Variants in KLF18 observed in about 807,000 individuals in gnomAD.
The protein encoded by KLF18 is KLF transcription factor 18, also known as Kruppel-like factor 18.
At position 44,141,461 on chromosome 1, in the gene KLF18, C is replaced by T. The variant is rs894921661; in HGVS notation, c.171G>A (p.Thr57=). ...TCATTGTGGACCCCAAGGGAGGCAT[C>T]GTCTTGCTCTGGGTTGACTCATGTT... is the stretch of plus-strand genomic sequence containing the variant. The part of the protein sequence containing the change: ...ESQHESTQSK[T]MPPLGSTMMT... Residue 57 remains threonine, a synonymous_variant, in exon 1 of 2, where the codon ACG becomes ACA. Coordinates refer to ENST00000634670, the MANE Select transcript of KLF18 (RefSeq NM_001358438.1). 43 of 398,548 alleles carry T rather than the reference C, an allele frequency of 1.1e-4. No homozygotes were observed. Among genetic ancestry groups the T allele is most frequent in the Non-Finnish European group, 1.5e-4 (34 of 226,162 alleles). 24.7% of individuals were successfully genotyped at this position (398,548 alleles called of 1,614,324 possible). A position where few individuals can be genotyped will look rare whatever the true frequency, so the allele number is the denominator to read the frequency against.
Position 44,139,872 on chromosome 1 carries a change from T to G in KLF18, c.1760A>C (p.Gln587Pro). Reference sequence around the variant, plus strand: ...CTGGTTACTAGTGGAGGTCGTCATCTGCTCTCCACAGAGGGTCTGGTTACT... The same window carrying G: ...CTGGTTACTAGTGGAGGTCGTCATCGGCTCTCCACAGAGGGTCTGGTTACT... ...STSNQTLCGE[Q>P]MTTSTSNQTL... Residue 587 changes from glutamine (Q) to proline (P), a missense_variant, in exon 1 of 2, where the codon CAG becomes CCG. Transcript: ENST00000634670. 2.6e-6 allele frequency: 1 copy of G among 379,502 alleles called. No individual in the cohort carries two copies. 23.5% of individuals were successfully genotyped at this position (379,502 alleles called of 1,614,324 possible). A position where few individuals can be genotyped will look rare whatever the true frequency, so the allele number is the denominator to read the frequency against.
Position 44,139,042 on chromosome 1 carries a change from A to G in KLF18, c.2590T>C (p.Tyr864His). The G allele has an allele frequency of 2.5e-6, 1 of 397,738 alleles. No individual in the cohort carries two copies. Among genetic ancestry groups the G allele is most frequent in the Non-Finnish European group, 4.4e-6 (1 of 225,886 alleles). The allele number at this position is 397,738 out of a possible 1,614,324, so 24.6% of individuals were successfully genotyped here. Residue 864 changes from tyrosine (Y) to histidine (H), a missense_variant, in exon 1 of 2, where the codon TAC (tyrosine) becomes CAC (histidine). By Grantham distance (83) the Tyr-to-His change is moderately conservative. Transcript: ENST00000634670. ...MMTSTGNQNL[Y>H]GGQNMTSTDN... The stretch of plus-strand genomic sequence containing the variant: ...GTGGAGGTCATATTCTGCCCCCCGT[A>G]GAGGTTCTGGTTACCAGTGGAGGTC...
In KLF18 at chr1:44,139,865, C is replaced by T. The variant is rs1413269815; in HGVS notation, c.1767G>A (p.Thr589=). Residue 589 remains threonine (T), a synonymous_variant, in exon 1 of 2, where the codon ACG becomes ACA. Transcript: ENST00000634670. ...AAAGGGTCTGGTTACTAGTGGAGGT[C>T]GTCATCTGCTCTCCACAGAGGGTCT... ...SNQTLCGEQM[T]TSTSNQTLCG... is the part of the protein sequence containing the mutation. 23 of 357,526 alleles carry T rather than the reference C, an allele frequency of 6.4e-5. No individual in the cohort carries two copies. The highest frequency in any genetic ancestry group is 2.7e-4 in the African/African-American group (11 of 40,182). The allele number at this position is 357,526 out of a possible 1,614,324, so 22.1% of individuals were successfully genotyped here.
At chr1:44,138,096 T>G (rs1037345810) in intron 1 of KLF18, 85 bp from the exon 2 acceptor site, 4 of 397,654 alleles carry the variant, frequency 1.0e-5, no homozygotes, top group African/African-American at 8.2e-5. Flanking sequence ...AAAACGTTTT[T>G]GAACAAGTTG....
Position 44,141,112 on chromosome 1 carries a change from T to C in KLF18, c.520A>G (p.Thr174Ala), listed in dbSNP as rs1246219883. The change falls in exon 1 of 2, where the codon ACC becomes GCC. Residue 174 changes from threonine to alanine, a missense_variant. Transcript: ENST00000634670. ...IPALLGDQMK[T>A]LSDNQTLCGD... ...CAGAGAGTCTGGTTATCACTGAGGG[T>C]CTTCATCTGATCTCCAAGCAGGGCT... is the stretch of plus-strand genomic sequence containing the variant. 3 of 398,554 alleles carry C rather than the reference T, an allele frequency of 7.5e-6. No homozygotes were observed. The highest frequency in any genetic ancestry group is 1.3e-5 in the Non-Finnish European group (3 of 226,118). 24.7% of individuals were successfully genotyped at this position (398,554 alleles called of 1,614,324 possible).
rs947700574 is a variant in KLF18, at chr1:44,141,483, T to G, written c.149A>C (p.His50Pro). Residue 50 changes from histidine to proline, a missense_variant, in exon 1 of 2, where the codon CAT becomes CCT. Transcript: ENST00000634670. ...PLTAHAEESQ[H>P]ESTQSKTMPP... is the part of the protein sequence containing the mutation. ...CATCGTCTTGCTCTGGGTTGACTCA[T>G]GTTGGCTCTCCTCAGCATGGGCAGT... 2.5e-6 allele frequency: 1 copy of G among 398,688 alleles called. No individual in the cohort carries two copies. 24.7% of individuals were successfully genotyped at this position (398,688 alleles called of 1,614,324 possible).
In KLF18 at chr1:44,139,033, G is replaced by C. The variant is rs1177314746; in HGVS notation, c.2599C>G (p.Gln867Glu). Reference protein sequence around the residue: ...STGNQNLYGGQNMTSTDNQAL... With the variant: ...STGNQNLYGGENMTSTDNQAL... ...TGGTTATCAGTGGAGGTCATATTCTGCCCCCCGTAGAGGTTCTGGTTACCA... is the reference window on the plus strand; with the variant it reads ...TGGTTATCAGTGGAGGTCATATTCTCCCCCCCGTAGAGGTTCTGGTTACCA... The change falls in exon 1 of 2, where the codon CAG (glutamine) becomes GAG (glutamate). Residue 867 changes from glutamine to glutamate, a missense_variant. Transcript: ENST00000634670. 1.3e-5 allele frequency: 5 copies of C among 398,034 alleles called. No individual in the cohort carries two copies. The highest frequency in any genetic ancestry group is 4.1e-5 in the African/African-American group (2 of 48,472). The allele number at this position is 398,034 out of a possible 1,614,324, so 24.7% of individuals were successfully genotyped here.
In KLF18 at chr1:44,140,762, A is replaced by C. The variant is rs1292505200; in HGVS notation, c.870T>G (p.Cys290Trp). Residue 290 changes from cysteine (C) to tryptophan (W), a missense_variant, in exon 1 of 2, where the codon TGT (cysteine) becomes TGG (tryptophan). Physicochemically the swap from Cys to Trp is radical, Grantham distance 215 (BLOSUM62 -2). Transcript: ENST00000634670. ...MTTSASNQTL[C>W]GEQMTTSTSN... ...TAGTGGAGGTTGTCATCTGCTCTCC[A>C]CAGAGGGTCTGGTTACTAGCGGAGG... 2.5e-6 allele frequency: 1 copy of C among 396,794 alleles called. No homozygotes were observed. Among genetic ancestry groups the C allele is most frequent in the Non-Finnish European group, 4.4e-6 (1 of 225,800 alleles). 24.6% of individuals were successfully genotyped at this position (396,794 alleles called of 1,614,324 possible).
intron 1 of KLF18, among the ~76,000 whole-genome samples, chr1:44,138,457 T>TCTGGTCCAGAGCCTGTCC (rs1553172789): frequency 2.0e-5 from 3 of 152,142 alleles, no homozygotes; most frequent in Non-Finnish European, 4.4e-5. Context: ...CCAGCCTGGC[T>TCTGGTCCAGAGCCTGTCC]CTGGTCCAGG....
chr1:44,139,886 G>T lies in KLF18; in HGVS notation c.1746C>A (p.Thr582=), dbSNP rs1571999966. 5.2e-6 allele frequency: 2 copies of T among 381,712 alleles called. No individual in the cohort carries two copies. Among genetic ancestry groups the T allele is most frequent in the African/African-American group, 4.2e-5 (2 of 47,314 alleles). 23.6% of individuals were successfully genotyped at this position (381,712 alleles called of 1,614,324 possible). Residue 582 remains threonine (T), a synonymous_variant, in exon 1 of 2, where the codon ACC becomes ACA. Coordinates refer to ENST00000634670, the MANE Select transcript of KLF18 (RefSeq NM_001358438.1). ...AGGTCGTCATCTGCTCTCCACAGAG[G>T]GTCTGGTTACTAGTGGAGGTCGTGA... The part of the protein sequence containing the change: ...GQITTSTSNQ[T]LCGEQMTTST...
In KLF18 at chr1:44,141,418, T is replaced by C. The variant is rs978419376; in HGVS notation, c.214A>G (p.Asn72Asp). ...TGGGTGAGAACTGTCCCAGGGATGT[T>C]AGTGCATGCAGAAGTCATCATTGTG... is the stretch of plus-strand genomic sequence containing the variant. ...GSTMMTSACT[N>D]IPGTVLTQDL... The change falls in exon 1 of 2, where the codon AAC (asparagine) becomes GAC (aspartate). Residue 72 changes from asparagine (N) to aspartate (D), a missense_variant. Coordinates refer to ENST00000634670, the MANE Select transcript of KLF18 (RefSeq NM_001358438.1). 5.0e-6 allele frequency: 2 copies of C among 398,422 alleles called. No homozygotes were observed. The highest frequency in any genetic ancestry group is 2.1e-5 in the African/African-American group (1 of 48,572). 24.7% of individuals were successfully genotyped at this position (398,422 alleles called of 1,614,324 possible).
chr1:44,138,694 G>A lies in KLF18; in HGVS notation c.2938C>T (p.His980Tyr), dbSNP rs1281028308. 6 of 398,508 alleles carry A rather than the reference G, an allele frequency of 1.5e-5. No homozygotes were observed. In the East Asian group the frequency reaches 1.8e-4, roughly 12 times the overall value. 24.7% of individuals were successfully genotyped at this position (398,508 alleles called of 1,614,324 possible). ...DCKMSYSKAC[H>Y]LRTHMRKHTG... is the part of the protein sequence containing the mutation. ...TGCTTGCGCATGTGGGTTCGGAGGT[G>A]GCAAGCCTTTGAATAAGACATCTTG... The change falls in exon 1 of 2, where the codon CAC (histidine) becomes TAC (tyrosine). Residue 980 changes from histidine to tyrosine, a missense_variant. Transcript: ENST00000634670.
At chr1:44,138,103 G>A in intron 1 of KLF18, 92 bp from the exon 2 acceptor site, 2 of 397,782 alleles carry the variant, frequency 5.0e-6, no homozygotes, top group Admixed American at 8.8e-5. Context: ...TTTTGAACAA[G>A]TTGGAGTGGG....
chr1:44,141,270 G>A lies in KLF18; in HGVS notation c.362C>T (p.Thr121Ile). Residue 121 changes from threonine to isoleucine, a missense_variant, in exon 1 of 2, where the codon ACT becomes ATT. Transcript: ENST00000634670. ...HTAGSQMTDV[T>I]VTPKSSPTDC... ...AGTGGGTGATGACTTTGGGGTGACA[G>A]TAACATCTGTCATCTGGGAGCCTGC... The A allele has an allele frequency of 2.5e-6, 1 of 398,614 alleles. No individual in the cohort carries two copies. The allele number at this position is 398,614 out of a possible 1,614,324, so 24.7% of individuals were successfully genotyped here. A position where few individuals can be genotyped will look rare whatever the true frequency, so the allele number is the denominator to read the frequency against.
In KLF18 at chr1:44,141,147, C is replaced by T. The variant is rs555049441; in HGVS notation, c.485G>A (p.Ser162Asn). Residue 162 changes from serine to asparagine, a missense_variant, in exon 1 of 2, where the codon AGT becomes AAT. Ser to Asn is a conservative substitution (Grantham distance 46). Coordinates refer to ENST00000634670, the MANE Select transcript of KLF18 (RefSeq NM_001358438.1). ...TPSSDQTLNE[S>N]QIPALLGDQM... ...ATCTCCAAGCAGGGCTGGTATCTGA[C>T]TCTCATTGAGGGTCTGGTCACTGCT... 1.5e-5 allele frequency: 6 copies of T among 398,572 alleles called. No individual in the cohort carries two copies. The highest frequency in any genetic ancestry group is 1.0e-4 in the African/African-American group (5 of 48,696). 24.7% of individuals were successfully genotyped at this position (398,572 alleles called of 1,614,324 possible). A position where few individuals can be genotyped will look rare whatever the true frequency, so the allele number is the denominator to read the frequency against.
chr1:44,137,964 C>A lies in KLF18; in HGVS notation c.3016G>T (p.Ala1006Ser). Reference protein sequence around the residue: ...CDVEGCTWKFARSDELNRHKK... With the variant: ...CDVEGCTWKFSRSDELNRHKK... ...TGTCTGTTGAGCTCATCTGAGCGGG[C>A]AAATTTCCACGTACATCCCTCTACA... is the stretch of plus-strand genomic sequence containing the variant. The change falls in exon 2 of 2, where the codon GCC (alanine) becomes TCC (serine). Residue 1006 changes from alanine (A) to serine (S), a missense_variant. Coordinates refer to ENST00000634670, the MANE Select transcript of KLF18 (RefSeq NM_001358438.1). The A allele has an allele frequency of 5.0e-6, 2 of 398,748 alleles. No individual in the cohort carries two copies. Among genetic ancestry groups the A allele is most frequent in the Non-Finnish European group, 8.8e-6 (2 of 226,158 alleles). The allele number at this position is 398,748 out of a possible 1,614,324, so 24.7% of individuals were successfully genotyped here.
At chr1:44,138,438 A>T (rs927110168) in intron 1 of KLF18, among the ~76,000 whole-genome samples, 2 of 152,096 alleles carry the variant, frequency 1.3e-5, no homozygotes, top group Admixed American at 6.5e-5. Flanking sequence ...ACACCACTAA[A>T]GGCTATAGCC....
At position 44,139,211 on chromosome 1, in the gene KLF18, G is replaced by C. The variant is rs913062835; in HGVS notation, c.2421C>G (p.Leu807=). Residue 807 remains leucine, a synonymous_variant, in exon 1 of 2, where the codon CTC becomes CTG. Transcript: ENST00000634670. ...QVTTSTGNQA[L]YRGQITTSTS... ...TGGAGGTCGTGATCTGCCCCCTGTA[G>C]AGGGCCTGGTTACCAGTGGAGGTCG... 5.0e-6 allele frequency: 2 copies of C among 396,674 alleles called. No individual in the cohort carries two copies. The highest frequency in any genetic ancestry group is 4.2e-5 in the African/African-American group (2 of 47,948). 24.6% of individuals were successfully genotyped at this position (396,674 alleles called of 1,614,324 possible). A position where few individuals can be genotyped will look rare whatever the true frequency, so the allele number is the denominator to read the frequency against.
In KLF18 at chr1:44,138,827, T is replaced by A. The variant is rs1295027820; in HGVS notation, c.2805A>T (p.Ser935=). Residue 935 remains serine (S), a synonymous_variant, in exon 1 of 2, where the codon TCA becomes TCT. Coordinates refer to ENST00000634670, the MANE Select transcript of KLF18 (RefSeq NM_001358438.1). ...SLPYPGFLCF[S]SSHLIQGQLP... ...GTTGTCCTTGAATCAAATGGGAACT[T>A]GAAAAGCATAGGAATCCTGGGTATG... 8 of 398,474 alleles carry A rather than the reference T, an allele frequency of 2.0e-5. No homozygotes were observed. Among genetic ancestry groups the A allele is most frequent in the Non-Finnish European group, 2.7e-5 (6 of 226,078 alleles). The allele number at this position is 398,474 out of a possible 1,614,324, so 24.7% of individuals were successfully genotyped here.
Sources: allele counts gnomAD v4.1 joint callset (sites outside exome capture counted in the v4.1 genomes callset), GRCh38; gene constraint gnomAD v4.1.1; transcripts MANE v1.5; gene names NCBI Gene and HGNC (gene_info 2026-07-23, HGNC 2026-07-21).